Variants in FAM193A observed in about 807,000 individuals in gnomAD.
FAM193A encodes the protein protein FAM193A.
A neutral mutation model predicts 126.5 loss-of-function variants in FAM193A; 22 were observed. That is an observed-to-expected ratio of 0.17 (90% CI 0.12 to 0.25). FAM193A has a LOEUF of 0.25. Among genes scored for constraint, FAM193A ranks in the 10% least tolerant of loss-of-function variants. The pLI, the probability that FAM193A is intolerant of heterozygous loss-of-function variation, is 1.00. For synonymous variants in FAM193A, 761 were observed against 646.8 expected (o/e 1.18, Z -2.68); for missense variants, 1,675 against 1,672.8 (o/e 1.00, Z -0.02).
intron 1 of FAM193A, among the ~76,000 whole-genome samples, chr4:2,586,117 C>G (rs1390756301): frequency 6.6e-6 from 1 of 151,834 alleles, no homozygotes; most frequent in Non-Finnish European, 1.5e-5. Context: ...GTGGTGCATG[C>G]CAGTAATCCT....
intron 1 of FAM193A, among the ~76,000 whole-genome samples, chr4:2,583,050 C>T (rs1740041872): frequency 6.6e-6 from 1 of 152,134 alleles, no homozygotes; most frequent in Admixed American, 6.5e-5. Flanking sequence ...CTCACTGCAA[C>T]CTCCACCTCC....
intron 12 of FAM193A, among the ~76,000 whole-genome samples, chr4:2,669,802 C>A (rs989336373): frequency 2.0e-5 from 3 of 152,310 alleles, no homozygotes; most frequent in African/African-American, 7.2e-5. Context: ...AACAAGCAGT[C>A]AGTTCTCCTG....
intron 4 of FAM193A, among the ~76,000 whole-genome samples, chr4:2,626,786 C>G (rs750613125): frequency 6.6e-6 from 1 of 152,208 alleles, no homozygotes; most frequent in African/African-American, 2.4e-5. Flanking sequence ...TGATGAAACG[C>G]TATTGCCTGT....
At chr4:2,686,443 C>T (rs942687616) in intron 13 of FAM193A, among the ~76,000 whole-genome samples, 1 of 152,100 alleles carries the variant, frequency 6.6e-6, no homozygotes, top group Non-Finnish European at 1.5e-5. Flanking sequence ...AGTTCACAGT[C>T]TAAAGAGAAG....
At chr4:2,689,785 G>T in intron 14 of FAM193A, 81 bp downstream of exon 14, 1 of 1,040,682 alleles carries the variant, frequency 9.6e-7, no homozygotes, top group Non-Finnish European at 1.4e-6. Context: ...TCCCGTGGAA[G>T]CCCTGGCGCA....
intron 12 of FAM193A, among the ~76,000 whole-genome samples, chr4:2,665,950 C>T (rs942423119): frequency 3.3e-5 from 5 of 152,126 alleles, no homozygotes; most frequent in Admixed American, 1.3e-4. Context: ...AGGTTCATGC[C>T]ATTCTCCTGA....
intron 19 of FAM193A, among the ~76,000 whole-genome samples, chr4:2,705,172 A>G (rs1315238751): frequency 2.0e-5 from 3 of 152,210 alleles, no homozygotes; most frequent in Non-Finnish European, 4.4e-5. Flanking sequence ...GGCCTCCCAA[A>G]GTGCTGGGAT....
Position 2,731,965 on chromosome 4 carries a change from G to C in FAM193A, c.*97G>C. On this transcript the variant is annotated 3_prime_UTR_variant, in exon 21 of 21. Coordinates refer to ENST00000637812, the MANE Select transcript of FAM193A (RefSeq NM_001366318.2). ...CTGGCGCCCCAGAGCCGTGGTGCTT[G>C]CCAAGGGCTGTGCGGAGCTGGTGCT... is the stretch of plus-strand genomic sequence containing the variant. 2.1e-6 allele frequency: 2 copies of C among 944,584 alleles called. No homozygotes were observed. The highest frequency in any genetic ancestry group is 3.4e-6 in the Non-Finnish European group (2 of 582,672). The allele number at this position is 944,584 out of a possible 1,614,324, so 58.5% of individuals were successfully genotyped here.
chr4:2,729,554 G>C (rs1299483834), intron 20 of FAM193A, among the ~76,000 whole-genome samples: 1 of 152,128 alleles, frequency 6.6e-6, no homozygotes, highest in Non-Finnish European at 1.5e-5. Context: ...TCTAAAACTT[G>C]CCTCAGTCTC....
chr4:2,631,329 C>G (rs2108999634), intron 5 of FAM193A, among the ~76,000 whole-genome samples, 160 bp downstream of exon 5: 1 of 152,214 alleles, frequency 6.6e-6, no homozygotes, highest in East Asian at 1.9e-4. Context: ...TTCCTCTCCT[C>G]TTTGTCTTTC....
chr4:2,538,683 G>C (rs1236987674), intron 1 of FAM193A, among the ~76,000 whole-genome samples: 1 of 151,212 alleles, frequency 6.6e-6, no homozygotes, highest in African/African-American at 2.4e-5. Flanking sequence ...GGGTAGGGGA[G>C]GGCGGGGGGG....
intron 13 of FAM193A, among the ~76,000 whole-genome samples, chr4:2,676,401 C>G (rs1714406737): frequency 6.6e-6 from 1 of 152,152 alleles, no homozygotes; most frequent in South Asian, 2.1e-4. Context: ...TTTTGATTTG[C>G]ATTTCCTTAG....
At position 2,732,209 on chromosome 4, in the gene FAM193A, C is replaced by G. The variant is rs1443197972; in HGVS notation, c.*341C>G. 2 of 350,398 alleles carry G rather than the reference C, an allele frequency of 5.7e-6. No homozygotes were observed. The highest frequency in any genetic ancestry group is 1.1e-5 in the Non-Finnish European group (2 of 181,858). 21.7% of individuals were successfully genotyped at this position (350,398 alleles called of 1,614,324 possible). On this transcript the variant is annotated 3_prime_UTR_variant, in exon 21 of 21. Coordinates refer to ENST00000637812, the MANE Select transcript of FAM193A (RefSeq NM_001366318.2). ...GGCTCCGTTGCCTCTGCATTGCGCC[C>G]TGTCCTGTCATGTGTCCTCACCGGG...
At chr4:2,592,174 C>T (rs962720749) in intron 1 of FAM193A, among the ~76,000 whole-genome samples, 1 of 152,132 alleles carries the variant, frequency 6.6e-6, no homozygotes, top group East Asian at 1.9e-4. Context: ...TTGCCGCAAC[C>T]TCCGCCTCAT....
intron 20 of FAM193A, among the ~76,000 whole-genome samples, chr4:2,725,425 G>T (rs977868823): frequency 3.0e-4 from 42 of 140,368 alleles, no homozygotes; most frequent in Non-Finnish European, 7.6e-5. Context: ...ACTCCAGCCT[G>T]GGCAACAGAG....
At chr4:2,634,224 G>C (rs1743878719) in intron 5 of FAM193A, among the ~76,000 whole-genome samples, 1 of 152,334 alleles carries the variant, frequency 6.6e-6, no homozygotes, top group South Asian at 2.1e-4. Context: ...CTTGGTAGCT[G>C]TCAGCCAGCT....
intron 1 of FAM193A, among the ~76,000 whole-genome samples, chr4:2,564,462 A>G (rs1449985818): frequency 6.6e-6 from 1 of 152,100 alleles, no homozygotes; most frequent in Non-Finnish European, 1.5e-5. Context: ...TCACAAAAGG[A>G]CAGCATTCAG....
intron 2 of FAM193A, among the ~76,000 whole-genome samples, chr4:2,609,555 G>C (rs1238361840): frequency 1.3e-5 from 2 of 152,156 alleles, no homozygotes; most frequent in Non-Finnish European, 2.9e-5. Flanking sequence ...TAAGGAACTG[G>C]GTTCTCCAAT....
chr4:2,623,498 A>G (rs1211592034), intron 2 of FAM193A, among the ~76,000 whole-genome samples: 1 of 152,190 alleles, frequency 6.6e-6, no homozygotes, highest in East Asian at 1.9e-4. Flanking sequence ...TCCTCTGCCC[A>G]CTTAGCAACG....
Sources: allele counts gnomAD v4.1 joint callset (sites outside exome capture counted in the v4.1 genomes callset), GRCh38; gene constraint gnomAD v4.1.1; transcripts MANE v1.5; gene names NCBI Gene and HGNC (gene_info 2026-07-23, HGNC 2026-07-21).